Variants in PACRGL observed in about 807,000 individuals in gnomAD.
PACRGL encodes PACRG-like protein.
A neutral mutation model predicts 34.5 loss-of-function variants in PACRGL; 38 were observed. The observed-to-expected ratio is 1.10, with a 90% confidence interval of 0.85 to 1.44. PACRGL has a LOEUF of 1.44. Among genes scored for constraint, PACRGL ranks in the 40% most tolerant of loss-of-function variants. PACRGL has a pLI of 0.00. For synonymous variants in PACRGL, 128 were observed against 100.1 expected (o/e 1.28, Z -1.66); for missense variants, 305 against 281.4 (o/e 1.08, Z -0.60).
intron 7 of PACRGL, among the ~76,000 whole-genome samples, chr4:20,714,946 A>G (rs1249419512): frequency 6.6e-6 from 1 of 152,168 alleles, no homozygotes; most frequent in African/African-American, 2.4e-5. Flanking sequence ...AGGACTATAA[A>G]TCATGCTGCT....
the PACRGL span, among the ~76,000 whole-genome samples, chr4:20,759,811 G>C: frequency 6.6e-6 from 1 of 152,144 alleles, no homozygotes; most frequent in African/African-American, 2.4e-5. Flanking sequence ...CCCTTGAGTG[G>C]TGGAGACTGA....
At chr4:20,722,107 C>T (rs548091258) in intron 7 of PACRGL, among the ~76,000 whole-genome samples, 2 of 152,358 alleles carry the variant, frequency 1.3e-5, no homozygotes, top group Admixed American at 1.3e-4. Flanking sequence ...GCTCCATGGG[C>T]ATGGGACTCT....
chr4:20,725,096 T>G lies in PACRGL; in HGVS notation c.690+208T>G, dbSNP rs1262605294. 2.6e-5 allele frequency among the ~76,000 whole-genome samples: 4 copies of G among 152,076 alleles called. 1 individual carries two copies. In the South Asian group the frequency reaches 8.3e-4, roughly 32 times the overall value. On this transcript the variant is annotated intron_variant, in intron 8 of 8. Coordinates refer to ENST00000503585, the MANE Select transcript of PACRGL (RefSeq NM_001258345.3). ...CCCTGCGACTCAGACCAGACTCAGG[T>G]TGAATAAATATAGGGCTTGTGTACA...
At chr4:20,746,355 C>T (rs1752421111) in intron 8 of PACRGL, among the ~76,000 whole-genome samples, 1 of 151,740 alleles carries the variant, frequency 6.6e-6, no homozygotes, top group Admixed American at 6.6e-5. Context: ...GGGAACATCA[C>T]ACACCAGGGC....
intron 8 of PACRGL, among the ~76,000 whole-genome samples, chr4:20,738,189 T>C (rs1750162078): frequency 6.6e-6 from 1 of 151,698 alleles, no homozygotes; most frequent in Admixed American, 6.6e-5. Context: ...TTGCAGAACA[T>C]AGAGCCTTAT....
intron 8 of PACRGL, among the ~76,000 whole-genome samples, chr4:20,725,217 T>G (rs1745129097): frequency 6.6e-6 from 1 of 152,162 alleles, no homozygotes; most frequent in Non-Finnish European, 1.5e-5. Context: ...CATCGAAAAG[T>G]TCAGAAAACC....
chr4:20,697,278 G>T (rs925811237), upstream of PACRGL, among the ~76,000 whole-genome samples: 2 of 152,134 alleles, frequency 1.3e-5, no homozygotes, highest in African/African-American at 4.8e-5. Context: ...GGGAATGATT[G>T]CTTTGTCTGT....
rs1736207286 is a variant in PACRGL, at chr4:20,709,713, A to G, written c.306A>G (p.Leu102=). The change falls in exon 5 of 9, where the codon TTA becomes TTG. Residue 102 remains leucine, a synonymous_variant. Coordinates refer to ENST00000503585, the MANE Select transcript of PACRGL (RefSeq NM_001258345.3). ...RLVHGSVKHR[L]QWECPPESLS... is the part of the protein sequence containing the mutation. ...TACATGGTTCAGTAAAACACAGATTACAGTGGGAATGTCCTCCTGAAAGTC... is the reference window on the plus strand; with the variant it reads ...TACATGGTTCAGTAAAACACAGATTGCAGTGGGAATGTCCTCCTGAAAGTC... 6.2e-6 allele frequency: 10 copies of G among 1,609,916 alleles called. No individual in the cohort carries two copies. The highest frequency in any genetic ancestry group is 8.5e-6 in the Non-Finnish European group (10 of 1,176,854).
intron 8 of PACRGL, among the ~76,000 whole-genome samples, chr4:20,748,703 C>A (rs1685472623): frequency 6.7e-6 from 1 of 148,978 alleles, no homozygotes; most frequent in South Asian, 2.1e-4. Context: ...ACAACCCAAT[C>A]AGAATGTAAC....
At chr4:20,717,552 G>A (rs2149136052) in intron 7 of PACRGL, among the ~76,000 whole-genome samples, 1 of 152,246 alleles carries the variant, frequency 6.6e-6, no homozygotes, top group East Asian at 1.9e-4. Flanking sequence ...TTCTCCATAT[G>A]GCTAGCCAGT....
downstream of PACRGL, among the ~76,000 whole-genome samples, chr4:20,736,658 T>G (rs1406871974): frequency 1.3e-5 from 2 of 152,242 alleles, no homozygotes; most frequent in Non-Finnish European, 2.9e-5. Context: ...CTTAGTTTTT[T>G]CTTGAACTTG....
chr4:20,728,381 G>A lies in PACRGL; in HGVS notation c.*1040G>A, dbSNP rs1480420408. The A allele has an allele frequency of 1.3e-5, 2 of 151,386 alleles. No homozygotes were observed. Among genetic ancestry groups the A allele is most frequent in the African/African-American group, 4.9e-5 (2 of 41,050 alleles). The allele number at this position is 151,386 out of a possible 1,614,324, so 9.4% of individuals were successfully genotyped here. A position where few individuals can be genotyped will look rare whatever the true frequency, so the allele number is the denominator to read the frequency against. Reference sequence around the variant, plus strand: ...CATTCATTGATTTTGTTGTGCTTATGTTTAGCAATTTTTAAGAAGCTTTTA... The same window carrying A: ...CATTCATTGATTTTGTTGTGCTTATATTTAGCAATTTTTAAGAAGCTTTTA... On this transcript the variant is annotated 3_prime_UTR_variant, in exon 9 of 9. Coordinates refer to ENST00000503585, the MANE Select transcript of PACRGL (RefSeq NM_001258345.3).
chr4:20,758,193 C>T, the PACRGL span, among the ~76,000 whole-genome samples: 1 of 152,138 alleles, frequency 6.6e-6, no homozygotes. Context: ...TCTTTTCACT[C>T]ATCTCTAACA....
chr4:20,726,111 A>G (rs2149208183), intron 8 of PACRGL, among the ~76,000 whole-genome samples: 1 of 152,196 alleles, frequency 6.6e-6, no homozygotes, highest in East Asian at 1.9e-4. Flanking sequence ...GGTATGGGAA[A>G]TGGGACAAGT....
chr4:20,714,973 A>G (rs1488207964), intron 7 of PACRGL, among the ~76,000 whole-genome samples: 1 of 152,200 alleles, frequency 6.6e-6, no homozygotes, highest in Non-Finnish European at 1.5e-5. Context: ...ACACATGCAC[A>G]CGTATGTTTA....
chr4:20,710,590 C>G (rs969282454), intron 5 of PACRGL, among the ~76,000 whole-genome samples: 3 of 152,130 alleles, frequency 2.0e-5, no homozygotes, highest in Non-Finnish European at 4.4e-5. Context: ...GTAACTTACT[C>G]TATAAACATG....
intron 5 of PACRGL, 183 bp downstream of exon 5, chr4:20,709,956 G>T (rs1193705186): frequency 2.0e-6 from 1 of 504,358 alleles, no homozygotes; most frequent in Non-Finnish European, 3.5e-6. Flanking sequence ...ATTTGAAATT[G>T]ATTAATGAGC....
the PACRGL span, among the ~76,000 whole-genome samples, chr4:20,762,333 G>T: frequency 6.6e-6 from 1 of 152,150 alleles, no homozygotes; most frequent in Admixed American, 6.5e-5. Flanking sequence ...CACATTGGGG[G>T]TTAGGATTTC....
chr4:20,741,915 A>G (rs1163421627), intron 8 of PACRGL, among the ~76,000 whole-genome samples: 4 of 152,178 alleles, frequency 2.6e-5, no homozygotes, highest in African/African-American at 9.7e-5. Flanking sequence ...AGAAATACAA[A>G]CTACCATCAG....
Sources: gnomAD v4.1 joint callset for allele counts (sites outside exome capture counted in the v4.1 genomes callset) on GRCh38, gnomAD v4.1.1 for gene constraint, MANE v1.5 for transcripts, NCBI Gene and HGNC (gene_info 2026-07-23, HGNC 2026-07-21) for gene names.